TRPM3: variants seen among roughly 807,000 people sequenced by gnomAD.
TRPM3 encodes the protein transient receptor potential cation channel subfamily M member 3.
A neutral mutation model predicts 181.2 loss-of-function variants in TRPM3; 77 were observed. The ratio of observed to expected loss-of-function variants is 0.42; its 90% CI spans 0.35 to 0.51. The LOEUF is 0.51. Among genes scored for constraint, TRPM3 ranks in the 20% least tolerant of loss-of-function variants. The pLI is 0.01. For missense variants in TRPM3, 1,759 were observed against 2,196.7 expected, an observed-to-expected ratio of 0.80 and a Z score of 3.98; for synonymous variants, 745 against 796.4, an observed-to-expected ratio of 0.94 and a Z score of 1.09.
chr9:71,444,177 CAAAAAAA>C (rs34011806), intron 1 of TRPM3, among the ~76,000 whole-genome samples: 51 of 112,912 alleles, frequency 4.5e-4, no homozygotes, highest in African/African-American at 1.8e-3. Context: ...GAATACATCT[CAAAAAAA>C]AAAAAAAAAA....
At chr9:71,411,265 G>A (rs1426499792) in intron 1 of TRPM3, among the ~76,000 whole-genome samples, 2 of 152,164 alleles carry the variant, frequency 1.3e-5, no homozygotes, top group Non-Finnish European at 2.9e-5. Flanking sequence ...CCATCAGACA[G>A]GAGAAAGAAA....
rs2040851919 is a variant in TRPM3, at chr9:70,531,359, C to T, written c.*4594G>A. 6.6e-6 allele frequency: 1 copy of T among 151,872 alleles called. No individual in the cohort carries two copies. The highest frequency in any genetic ancestry group is 1.5e-5 in the Non-Finnish European group (1 of 67,984). 9.4% of individuals were successfully genotyped at this position (151,872 alleles called of 1,614,324 possible). On this transcript the variant is annotated 3_prime_UTR_variant, in exon 26 of 26. Coordinates refer to ENST00000677713, the MANE Select transcript of TRPM3 (RefSeq NM_001366145.2). ...TAATTTTTCAAAACTGAACATAATCCCCATAGTAAGAAGCCCAACTGTTTG... is the reference window on the plus strand; with the variant it reads ...TAATTTTTCAAAACTGAACATAATCTCCATAGTAAGAAGCCCAACTGTTTG...
chr9:70,620,522 C>A (rs2063466430), intron 15 of TRPM3, among the ~76,000 whole-genome samples, 157 bp from the exon 16 acceptor site: 1 of 152,178 alleles, frequency 6.6e-6, no homozygotes, highest in Admixed American at 6.5e-5. Context: ...CTCATCCATG[C>A]CCAACTTTAA....
chr9:71,433,021 A>G (rs188319113), intron 1 of TRPM3, among the ~76,000 whole-genome samples: 1 of 152,348 alleles, frequency 6.6e-6, no homozygotes, highest in Admixed American at 6.5e-5. Flanking sequence ...TAGGAAAGAT[A>G]AAGGGAAAAG....
At chr9:70,917,551 A>G (rs1324193474) in intron 1 of TRPM3, 7 of 605,300 alleles carry the variant, frequency 1.2e-5, no homozygotes, top group South Asian at 1.8e-5. Context: ...TTCTTTACGC[A>G]AACAGTGTTA....
At chr9:71,133,998 TGTGTGTGTGTGTGTGTGCGCGTGCGCGC>T (rs1296616146) in intron 1 of TRPM3, among the ~76,000 whole-genome samples, 3 of 140,380 alleles carry the variant, frequency 2.1e-5, no homozygotes, top group Non-Finnish European at 4.6e-5. Context: ...TGTGTGTGTG[TGTGTGTGTGTGTGTGTGCGCGTGCGCGC>T]GCGCGCGTGT....
At chr9:71,165,147 T>G (rs1409222475) in intron 1 of TRPM3, among the ~76,000 whole-genome samples, 1 of 152,180 alleles carries the variant, frequency 6.6e-6, no homozygotes, top group Non-Finnish European at 1.5e-5. Flanking sequence ...CAGCTTCACC[T>G]CTTATCAGCT....
chr9:70,913,594 A>T (rs1327722024), intron 1 of TRPM3, among the ~76,000 whole-genome samples: 2 of 152,212 alleles, frequency 1.3e-5, no homozygotes, highest in East Asian at 3.8e-4. Flanking sequence ...ACAACCAACA[A>T]TTATTTAAAT....
chr9:71,180,291 G>A (rs1178696379), intron 1 of TRPM3, among the ~76,000 whole-genome samples: 2 of 151,998 alleles, frequency 1.3e-5, no homozygotes, highest in East Asian at 1.9e-4. Context: ...CTGACCTCAG[G>A]TGATCCACCC....
At chr9:70,598,794 A>G (rs1168529833) in intron 20 of TRPM3, 124 bp from the exon 21 acceptor site, 2 of 1,181,804 alleles carry the variant, frequency 1.7e-6, no homozygotes, top group Non-Finnish European at 2.4e-6. Flanking sequence ...ATCTACTTAA[A>G]TACTTGCATG....
At chr9:71,370,623 T>A (rs2092478883) in intron 1 of TRPM3, among the ~76,000 whole-genome samples, 1 of 152,172 alleles carries the variant, frequency 6.6e-6, no homozygotes, top group African/African-American at 2.4e-5. Flanking sequence ...TTTCATTAGA[T>A]TAAAGGCAAG....
In TRPM3 at chr9:71,308,759, G is replaced by C. The variant is rs527991721; in HGVS notation, c.183+137894C>G. Among the ~76,000 whole-genome samples the C allele has an allele frequency of 2.1e-5, 3 of 144,060 alleles. No homozygotes were observed. In the Admixed American group the frequency reaches 2.1e-4, roughly 10 times the overall value. 94.5% of individuals were successfully genotyped at this position (144,060 alleles called of 152,430 possible). On this transcript the variant is annotated intron_variant, in intron 1 of 24. Transcript: ENST00000357533. ...AACCAAAGTAAGCTTGCAATGAAAA[G>C]AAATACAGGCCACAGTTGCTTCTGG...
intron 1 of TRPM3, among the ~76,000 whole-genome samples, chr9:71,186,180 T>C (rs1158263456): frequency 2.0e-5 from 3 of 152,046 alleles, no homozygotes; most frequent in African/African-American, 4.8e-5. Context: ...TAGGAGCCCA[T>C]CCTGCTCCAG....
intron 9 of TRPM3, among the ~76,000 whole-genome samples, chr9:70,655,460 A>T (rs1402810034): frequency 1.3e-5 from 2 of 151,920 alleles, no homozygotes; most frequent in Non-Finnish European, 2.9e-5. Flanking sequence ...AGCCTGCTTT[A>T]AATCTGCTAT....
chr9:71,113,127 T>C (rs1346314322), intron 1 of TRPM3, among the ~76,000 whole-genome samples: 1 of 152,184 alleles, frequency 6.6e-6, no homozygotes, highest in Non-Finnish European at 1.5e-5. Context: ...TGGTCTTACT[T>C]GCATTTTAAA....
chr9:70,808,090 CA>C (rs2091088029), intron 6 of TRPM3, among the ~76,000 whole-genome samples: 1 of 152,104 alleles, frequency 6.6e-6, no homozygotes, highest in Admixed American at 6.5e-5. Context: ...GCTATAAAAA[CA>C]GATGAAAAAT....
At chr9:70,648,373 G>A (rs1488370013) in intron 9 of TRPM3, among the ~76,000 whole-genome samples, 2 of 152,136 alleles carry the variant, frequency 1.3e-5, no homozygotes, top group Admixed American at 1.3e-4. Flanking sequence ...CCACTTGGGA[G>A]GCCGAGATGG....
At chr9:71,251,042 G>A (rs1277478362) in intron 1 of TRPM3, among the ~76,000 whole-genome samples, 1 of 152,128 alleles carries the variant, frequency 6.6e-6, no homozygotes, top group African/African-American at 2.4e-5. Flanking sequence ...ATAGAGAAAT[G>A]GATGGATGAA....
intron 1 of TRPM3, among the ~76,000 whole-genome samples, chr9:71,413,603 C>T (rs1383217958): frequency 1.3e-5 from 2 of 152,106 alleles, no homozygotes; most frequent in East Asian, 1.9e-4. Context: ...GTATTAGAAA[C>T]TTAATTCCCA....
Sources: gnomAD v4.1 joint callset for allele counts (sites outside exome capture counted in the v4.1 genomes callset) on GRCh38, gnomAD v4.1.1 for gene constraint, MANE v1.5 for transcripts, NCBI Gene and HGNC (gene_info 2026-07-23, HGNC 2026-07-21) for gene names.